The following ATP8B4 variants were observed in gnomAD, a reference collection of about 807,000 sequenced individuals.
The protein encoded by ATP8B4 is probable phospholipid-transporting ATPase IM.
Under a neutral mutation model 145.6 loss-of-function variants are expected in ATP8B4, and 133 were observed. The ratio of observed to expected loss-of-function variants is 0.91; its 90% CI spans 0.79 to 1.05. The LOEUF (loss-of-function observed/expected upper bound fraction) is 1.05, where lower values mean the gene tolerates loss of function less well. Among genes scored for constraint, ATP8B4 ranks in the 50% least tolerant of loss-of-function variants. The probability of loss-of-function intolerance (pLI) is 0.00; values close to 1 mark genes in which losing one functional copy is unlikely to be tolerated. For missense variants in ATP8B4, 1,458 were observed against 1,425.2 expected (o/e 1.02, Z -0.37); for synonymous variants, 507 against 492.9 (o/e 1.03, Z -0.38).
intron 1 of ATP8B4, among the ~76,000 whole-genome samples, chr15:50,137,891 C>T (rs1345252660): frequency 1.3e-5 from 2 of 152,166 alleles, no homozygotes; most frequent in Non-Finnish European, 2.9e-5. Flanking sequence ...TTTCACTGTA[C>T]CACATCTAGT....
At position 49,984,164 on chromosome 15, in the gene ATP8B4, G is replaced by A. The variant is rs141556573; in HGVS notation, c.749-2870C>T. On this transcript the variant is annotated intron_variant, in intron 10 of 27. Coordinates refer to ENST00000284509, the MANE Select transcript of ATP8B4 (RefSeq NM_024837.4). ...CTATTATCCTCAGTTCACTAATAATGAAACTGAGTTTAAATAATTGAACTT... is the reference window on the plus strand; with the variant it reads ...CTATTATCCTCAGTTCACTAATAATAAAACTGAGTTTAAATAATTGAACTT... Among the ~76,000 whole-genome samples the A allele has an allele frequency of 7.4e-3, 1,131 of 152,260 alleles. 12 individuals carry two copies. Among genetic ancestry groups the A allele is most frequent in the South Asian group, 0.041 (200 of 4,826 alleles).
At chr15:49,985,575 A>G (rs1466467341) in intron 10 of ATP8B4, among the ~76,000 whole-genome samples, 2 of 152,244 alleles carry the variant, frequency 1.3e-5, no homozygotes, top group Non-Finnish European at 2.9e-5. Context: ...ACCAGACTAA[A>G]GTCAATGCAG....
Position 50,074,054 on chromosome 15 carries a change from T to C in ATP8B4, c.87+73A>G, listed in dbSNP as rs564322780. Reference sequence around the variant, plus strand: ...AGTTTTTGGTGAAGTCATAAAGTTCTAGAAGACATGCATCCCACTGTCTTT... The same window carrying C: ...AGTTTTTGGTGAAGTCATAAAGTTCCAGAAGACATGCATCCCACTGTCTTT... On this transcript the variant is annotated intron_variant, in intron 3 of 27. Coordinates refer to ENST00000284509, the MANE Select transcript of ATP8B4 (RefSeq NM_024837.4). 1.4e-5 allele frequency: 19 copies of C among 1,356,684 alleles called. No homozygotes were observed. The African/African-American group carries it at 2.8e-4, about 20-fold the overall frequency. The allele number at this position is 1,356,684 out of a possible 1,614,324, so 84.0% of individuals were successfully genotyped here.
intron 1 of ATP8B4, among the ~76,000 whole-genome samples, chr15:50,144,176 A>G (rs2044246965): frequency 6.6e-6 from 1 of 152,236 alleles, no homozygotes; most frequent in African/African-American, 2.4e-5. Flanking sequence ...GAATGGAAGC[A>G]GGGATGCCAA....
chr15:49,931,022 C>G, intron 16 of ATP8B4, 97 bp downstream of exon 16: 4 of 1,332,514 alleles, frequency 3.0e-6, no homozygotes, highest in Non-Finnish European at 3.1e-6. Flanking sequence ...AAAACTATCA[C>G]AACCCTCAGC....
At chr15:50,137,607 C>T (rs2044140020) in intron 1 of ATP8B4, among the ~76,000 whole-genome samples, 1 of 152,218 alleles carries the variant, frequency 6.6e-6, no homozygotes, top group Non-Finnish European at 1.5e-5. Flanking sequence ...ATGCAAATTG[C>T]CAAGAAATGC....
In ATP8B4 at chr15:49,966,141, C is replaced by T. The variant is rs1037671517; in HGVS notation, c.1244-4121G>A. On this transcript the variant is annotated intron_variant, in intron 13 of 27. Transcript: ENST00000284509. ...CACAACCCGCAGAGCAGGAGATTCCCGCAGGTGCCTACACCACCAGGGCCC... is the reference window on the plus strand; with the variant it reads ...CACAACCCGCAGAGCAGGAGATTCCTGCAGGTGCCTACACCACCAGGGCCC... Among the ~76,000 whole-genome samples the T allele has an allele frequency of 4.7e-4, 71 of 152,332 alleles. 1 individual carries two copies. The highest frequency in any genetic ancestry group is 1.3e-3 in the African/African-American group (53 of 41,572).
At chr15:50,134,125 C>T (rs1235524748) in intron 1 of ATP8B4, among the ~76,000 whole-genome samples, 1 of 150,084 alleles carries the variant, frequency 6.7e-6, no homozygotes, top group Admixed American at 6.7e-5. Context: ...ATAAATTATA[C>T]CTCAGTAAAA....
At chr15:50,098,143 T>C (rs991581109) in intron 2 of ATP8B4, among the ~76,000 whole-genome samples, 3 of 152,132 alleles carry the variant, frequency 2.0e-5, no homozygotes, top group Non-Finnish European at 4.4e-5. Context: ...TCTTATGCTA[T>C]TGATCTGTTA....
At chr15:50,137,860 T>C (rs1224536628) in intron 1 of ATP8B4, among the ~76,000 whole-genome samples, 1 of 152,206 alleles carries the variant, frequency 6.6e-6, no homozygotes, top group Non-Finnish European at 1.5e-5. Context: ...CCAGGTCTCC[T>C]GACTGCTACT....
chr15:50,055,117 G>C (rs1021609518), intron 3 of ATP8B4, among the ~76,000 whole-genome samples: 3 of 152,158 alleles, frequency 2.0e-5, no homozygotes, highest in Non-Finnish European at 4.4e-5. Context: ...GAAACAAGTA[G>C]CCCTAGAGAT....
chr15:50,050,252 A>T (rs1233968942), intron 3 of ATP8B4, among the ~76,000 whole-genome samples: 1 of 152,242 alleles, frequency 6.6e-6, no homozygotes, highest in Non-Finnish European at 1.5e-5. Context: ...CAACAAGTCT[A>T]TGTATAGTAA....
intron 20 of ATP8B4, among the ~76,000 whole-genome samples, chr15:49,907,529 G>A (rs2038753944): frequency 6.6e-6 from 1 of 152,210 alleles, no homozygotes; most frequent in African/African-American, 2.4e-5. Flanking sequence ...GGGATCAGTG[G>A]CTGAAAGAAT....
chr15:50,092,647 A>G (rs1416044224), intron 2 of ATP8B4, among the ~76,000 whole-genome samples: 5 of 152,010 alleles, frequency 3.3e-5, no homozygotes, highest in African/African-American at 7.2e-5. Context: ...GAAACTGGTC[A>G]GTAGAAAATA....
rs114559883 is a variant in ATP8B4 at position 50,178,552 on chromosome 15, G to A, written c.-43+3709C>T. On this transcript the variant is annotated intron_variant, in intron 1 of 3. Transcript: ENST00000558829. ...TTTTGTTTTGTTTTTCATATGAGAT[G>A]GGGTCTCACTGTGTTGCCCAGTCCA... is the stretch of plus-strand genomic sequence containing the variant. 6.9e-3 allele frequency among the ~76,000 whole-genome samples: 1,050 copies of A among 152,204 alleles called. 12 individuals carry two copies. Among genetic ancestry groups the A allele is most frequent in the African/African-American group, 0.024 (998 of 41,508 alleles).
rs2051818607 is a variant in ATP8B4, at chr15:50,047,541, C to T, written c.88-77G>A. On this transcript the variant is annotated intron_variant, in intron 3 of 27. Transcript: ENST00000284509. Reference sequence around the variant, plus strand: ...CAGAAATAGCTCTAAAACCTACAAGCCTGAGCCAGAGTAAGAAAGATAAGC... The same window carrying T: ...CAGAAATAGCTCTAAAACCTACAAGTCTGAGCCAGAGTAAGAAAGATAAGC... 4.4e-6 allele frequency: 4 copies of T among 899,672 alleles called. No homozygotes were observed. The Admixed American group carries it at 6.1e-5, about 14-fold the overall frequency. The allele number at this position is 899,672 out of a possible 1,614,324, so 55.7% of individuals were successfully genotyped here. A position where few individuals can be genotyped will look rare whatever the true frequency, so the allele number is the denominator to read the frequency against.
chr15:49,963,891 C>A (rs906178090), intron 13 of ATP8B4, among the ~76,000 whole-genome samples: 2 of 151,784 alleles, frequency 1.3e-5, no homozygotes, highest in East Asian at 3.9e-4. Context: ...GAACATGTAC[C>A]CCTGAACTTA....
chr15:50,037,120 C>T (rs2050896690), intron 6 of ATP8B4, among the ~76,000 whole-genome samples: 1 of 152,192 alleles, frequency 6.6e-6, no homozygotes, highest in Non-Finnish European at 1.5e-5. Context: ...ACGTCTATCA[C>T]AATCCAGGTA....
intron 23 of ATP8B4, 162 bp downstream of exon 23, chr15:49,897,130 G>A: frequency 1.5e-6 from 1 of 654,664 alleles, no homozygotes; most frequent in Non-Finnish European, 2.5e-6. Flanking sequence ...TGGGTACAAA[G>A]CTCAAGTCAA....
Sources: gnomAD v4.1 joint callset for allele counts (sites outside exome capture counted in the v4.1 genomes callset) on GRCh38, gnomAD v4.1.1 for gene constraint, MANE v1.5 for transcripts, NCBI Gene and HGNC (gene_info 2026-07-23, HGNC 2026-07-21) for gene names.